The following RAPGEF5 variants were observed in gnomAD, a reference collection of about 807,000 sequenced individuals.
RAPGEF5 encodes Rap guanine nucleotide exchange factor 5, also known as M-Ras-regulated GEF.
In RAPGEF5, 65 loss-of-function variants were observed where a neutral mutation model predicts 125.2. That is an observed-to-expected ratio of 0.52 (90% CI 0.43 to 0.64). The LOEUF (loss-of-function observed/expected upper bound fraction) is 0.64. Among genes scored for constraint, RAPGEF5 ranks in the 30% least tolerant of loss-of-function variants. The pLI is 0.00. For missense variants in RAPGEF5, 958 were observed against 1,048.1 expected, an observed-to-expected ratio of 0.91 and a Z score of 1.19; for synonymous variants, 391 against 385.9, an observed-to-expected ratio of 1.01 and a Z score of -0.16.
At chr7:22,273,800 A>C (rs1782497025) in intron 6 of RAPGEF5, among the ~76,000 whole-genome samples, 1 of 152,318 alleles carries the variant, frequency 6.6e-6, no homozygotes. Context: ...AATGGATAAC[A>C]GTGTTTTTAG....
intron 7 of RAPGEF5, among the ~76,000 whole-genome samples, chr7:22,251,557 T>C (rs1786620741): frequency 6.6e-6 from 1 of 152,140 alleles, no homozygotes; most frequent in South Asian, 2.1e-4. Context: ...CAGCCATTAG[T>C]TGCCACAATC....
chr7:22,179,101 C>T (rs946942803), intron 11 of RAPGEF5, among the ~76,000 whole-genome samples: 1 of 152,090 alleles, frequency 6.6e-6, no homozygotes, highest in African/African-American at 2.4e-5. Context: ...AGCTCCAGCC[C>T]AGTGGCAGAG....
chr7:22,175,162 CAAG>C (rs1344658262), intron 11 of RAPGEF5, among the ~76,000 whole-genome samples: 3 of 152,116 alleles, frequency 2.0e-5, no homozygotes, highest in Non-Finnish European at 4.4e-5. Context: ...TAATAACCAA[CAAG>C]AAAGAAAAGG....
intron 1 of RAPGEF5, among the ~76,000 whole-genome samples, chr7:22,332,294 C>A (rs1783938199): frequency 6.6e-6 from 1 of 152,202 alleles, no homozygotes; most frequent in African/African-American, 2.4e-5. Context: ...AGATTTAATG[C>A]CCTGTCAAAC....
At chr7:22,262,919 C>G (rs941202764) in intron 7 of RAPGEF5, among the ~76,000 whole-genome samples, 6 of 152,124 alleles carry the variant, frequency 3.9e-5, no homozygotes, top group Admixed American at 3.3e-4. Context: ...GAGCCGGTAT[C>G]GTGCCACTGC....
chr7:22,194,149 A>G (rs1785092116), intron 9 of RAPGEF5, 116 bp from the exon 10 acceptor site: 1 of 868,488 alleles, frequency 1.2e-6, no homozygotes, highest in Non-Finnish European at 1.8e-6. Flanking sequence ...TTACAGTATC[A>G]TCTCTTCAAA....
chr7:22,301,366 C>G (rs563257386), intron 5 of RAPGEF5, among the ~76,000 whole-genome samples: 1 of 152,066 alleles, frequency 6.6e-6, no homozygotes, highest in East Asian at 1.9e-4. Context: ...CTGTAATCTC[C>G]GAACTTTGGG....
intron 6 of RAPGEF5, among the ~76,000 whole-genome samples, chr7:22,280,296 C>G (rs919491128): frequency 6.6e-6 from 1 of 152,178 alleles, no homozygotes; most frequent in African/African-American, 2.4e-5. Context: ...TCACTTCTCC[C>G]TAGCCTCTCA....
intron 7 of RAPGEF5, among the ~76,000 whole-genome samples, chr7:22,238,464 C>A (rs144581017): frequency 1.3e-5 from 2 of 152,226 alleles, no homozygotes; most frequent in African/African-American, 2.4e-5. Context: ...CCCAGCAACA[C>A]CCCATGCGTG....
chr7:22,280,675 T>G (rs757575597), intron 6 of RAPGEF5, among the ~76,000 whole-genome samples: 3 of 152,240 alleles, frequency 2.0e-5, no homozygotes, highest in African/African-American at 4.8e-5. Flanking sequence ...ATGAATCATA[T>G]GTATATACTT....
intron 5 of RAPGEF5, among the ~76,000 whole-genome samples, chr7:22,292,464 T>C (rs745371227): frequency 1.3e-5 from 2 of 152,248 alleles, no homozygotes; most frequent in Admixed American, 6.5e-5. Flanking sequence ...GCAAAGTGTT[T>C]GAGATGCTTG....
intron 1 of RAPGEF5, among the ~76,000 whole-genome samples, chr7:22,350,517 A>G (rs570392454): frequency 2.0e-4 from 30 of 152,342 alleles, no homozygotes; most frequent in African/African-American, 6.7e-4. Flanking sequence ...CTATTCATGG[A>G]AAAACCTGAT....
chr7:22,223,270 G>A (rs1785836853), intron 8 of RAPGEF5, among the ~76,000 whole-genome samples: 1 of 152,182 alleles, frequency 6.6e-6, no homozygotes, highest in Non-Finnish European at 1.5e-5. Context: ...CAAGGAGGAA[G>A]AAGTGAAAAA....
intron 1 of RAPGEF5, among the ~76,000 whole-genome samples, chr7:22,323,577 A>G (rs2128156183): frequency 6.6e-6 from 1 of 152,322 alleles, no homozygotes; most frequent in South Asian, 2.1e-4. Context: ...TTAAGTAACT[A>G]AAGAATTAGG....
chr7:22,164,719 T>G (rs1483032528), intron 12 of RAPGEF5, among the ~76,000 whole-genome samples: 1 of 152,184 alleles, frequency 6.6e-6, no homozygotes, highest in Non-Finnish European at 1.5e-5. Flanking sequence ...TTACACTGAT[T>G]TATAAATTTA....
At chr7:22,292,932 G>T (rs182861340) in intron 5 of RAPGEF5, among the ~76,000 whole-genome samples, 79 of 150,598 alleles carry the variant, frequency 5.2e-4, no homozygotes, top group Non-Finnish European at 9.7e-4. Flanking sequence ...AGAAGCTCTT[G>T]TATACGAGAC....
rs73683315 is a variant in RAPGEF5 at position 22,160,306 on chromosome 7, T to C, written c.1526+212A>G. Reference sequence around the variant, plus strand: ...GTTATTTTTACTATATAAAACAGGGTTAAAACAATAGTCAATAAGCTGAAT... The same window carrying C: ...GTTATTTTTACTATATAAAACAGGGCTAAAACAATAGTCAATAAGCTGAAT... On this transcript the variant is annotated intron_variant, in intron 14 of 25. Coordinates refer to ENST00000665637, the MANE Select transcript of RAPGEF5 (RefSeq NM_012294.5). Among the ~76,000 whole-genome samples, 157 of 152,280 alleles carry C rather than the reference T, an allele frequency of 1.0e-3. 1 individual carries two copies. The highest frequency in any genetic ancestry group is 3.7e-3 in the African/African-American group (155 of 41,574).
chr7:22,168,317 C>T lies in RAPGEF5; in HGVS notation c.1205-1169G>A, dbSNP rs552610005. On this transcript the variant is annotated intron_variant, in intron 11 of 25. Transcript: ENST00000665637. Reference sequence around the variant, plus strand: ...TTTCATCTCTCTACCATACAAGTATCGAGGAGACTGTGGCCTATGAACCAG... The same window carrying T: ...TTTCATCTCTCTACCATACAAGTATTGAGGAGACTGTGGCCTATGAACCAG... Among the ~76,000 whole-genome samples the T allele has an allele frequency of 3.9e-4, 59 of 152,294 alleles. No individual in the cohort carries two copies. The South Asian group carries it at 7.5e-3, about 19-fold the overall frequency.
chr7:22,164,588 C>T (rs958126748), intron 12 of RAPGEF5, among the ~76,000 whole-genome samples: 2 of 152,118 alleles, frequency 1.3e-5, no homozygotes, highest in African/African-American at 4.8e-5. Context: ...TCTGCTTTAC[C>T]TTGTTTTCCT....
Sources: gnomAD v4.1 joint callset for allele counts (sites outside exome capture counted in the v4.1 genomes callset) on GRCh38, gnomAD v4.1.1 for gene constraint, MANE v1.5 for transcripts, NCBI Gene and HGNC (gene_info 2026-07-23, HGNC 2026-07-21) for gene names.